The following DNTTIP1 variants were observed in gnomAD, a reference collection of about 807,000 sequenced individuals.
DNTTIP1 encodes the protein deoxynucleotidyltransferase terminal interacting protein 1.
DNTTIP1 carries 22 observed loss-of-function variants against 52.9 expected under a neutral mutation model. That is an observed-to-expected ratio of 0.42 (90% CI 0.30 to 0.59). DNTTIP1 has a LOEUF of 0.59. Among genes scored for constraint, DNTTIP1 ranks in the 20% least tolerant of loss-of-function variants. DNTTIP1 has a pLI of 0.22. For synonymous variants in DNTTIP1, 136 were observed against 155.1 expected (o/e 0.88, Z 0.92); for missense variants, 286 against 435.5 (o/e 0.66, Z 3.06).
intron 8 of DNTTIP1, among the ~76,000 whole-genome samples, chr20:45,804,245 T>C (rs937151892): frequency 6.6e-6 from 1 of 152,190 alleles, no homozygotes; most frequent in African/African-American, 2.4e-5. Flanking sequence ...ACATTCGTTA[T>C]CTTAATCATC....
chr20:45,801,049 T>C (rs760974030), intron 4 of DNTTIP1, 25 bp from the exon 5 acceptor site: 1 of 1,608,994 alleles, frequency 6.2e-7, no homozygotes, highest in Admixed American at 1.7e-5. Context: ...TAGTGACTGG[T>C]AACACTTGGT....
chr20:45,795,247 G>C lies in DNTTIP1; in HGVS notation c.274-98G>C, dbSNP rs572905366. The C allele has an allele frequency of 1.4e-5, 9 of 663,592 alleles. No homozygotes were observed. In the Admixed American group the frequency reaches 2.1e-4, roughly 15 times the overall value. 41.1% of individuals were successfully genotyped at this position (663,592 alleles called of 1,614,324 possible). On this transcript the variant is annotated intron_variant, in intron 3 of 12. Coordinates refer to ENST00000372622, the MANE Select transcript of DNTTIP1 (RefSeq NM_052951.3). ...CTGCTCATAATCACTTTTCCCTTCT[G>C]TATGAAGCTAGGATAAAGACTTATT...
intron 10 of DNTTIP1, among the ~76,000 whole-genome samples, chr20:45,807,634 G>C (rs1981691112): frequency 6.6e-6 from 1 of 152,120 alleles, no homozygotes; most frequent in African/African-American, 2.4e-5. Flanking sequence ...ACGATACACA[G>C]GAGGTAGTAG....
In DNTTIP1 at chr20:45,795,374, A is replaced by C. The variant is rs1449045336; in HGVS notation, c.303A>C (p.Arg101=). Residue 101 remains arginine, a synonymous_variant, in exon 4 of 13, where the codon CGA becomes CGC. Transcript: ENST00000372622. ...KFFQKAALNV[R]DNVGEEVDAE... Reference sequence around the variant, plus strand: ...TCCAGAAGGCAGCACTGAACGTGCGAGACAATGTTGGGGAGGAGGTGGACG... The same window carrying C: ...TCCAGAAGGCAGCACTGAACGTGCGCGACAATGTTGGGGAGGAGGTGGACG... 7.4e-6 allele frequency: 12 copies of C among 1,611,426 alleles called. No individual in the cohort carries two copies. The highest frequency in any genetic ancestry group is 9.3e-6 in the Non-Finnish European group (11 of 1,178,740).
intron 4 of DNTTIP1, among the ~76,000 whole-genome samples, chr20:45,798,095 A>G (rs574073058): frequency 9.8e-5 from 15 of 152,358 alleles, no homozygotes; most frequent in Non-Finnish European, 1.9e-4. Flanking sequence ...ATGTCCAACA[A>G]TGATAGACTG....
At chr20:45,806,000 T>C (rs753801565) in intron 10 of DNTTIP1, among the ~76,000 whole-genome samples, 11 of 151,784 alleles carry the variant, frequency 7.2e-5, no homozygotes, top group Non-Finnish European at 1.5e-4. Flanking sequence ...GAGAATCGCT[T>C]GAACCCAGGA....
chr20:45,803,229 C>A, intron 7 of DNTTIP1, 104 bp from the exon 8 acceptor site: 2 of 1,153,618 alleles, frequency 1.7e-6, no homozygotes, highest in Non-Finnish European at 2.6e-6. Flanking sequence ...ATGTCCAGGG[C>A]TAAAGTGAGA....
At chr20:45,796,554 C>T (rs897651924) in intron 4 of DNTTIP1, 5 of 471,030 alleles carry the variant, frequency 1.1e-5, no homozygotes, top group African/African-American at 4.0e-5. Context: ...GGAAGCATGA[C>T]ATCAGGTCTA....
intron 3 of DNTTIP1, among the ~76,000 whole-genome samples, chr20:45,794,340 G>A (rs1981155707): frequency 6.6e-6 from 1 of 152,010 alleles, no homozygotes; most frequent in East Asian, 1.9e-4. Flanking sequence ...GTAGAGACGG[G>A]GTTTCACTGT....
rs116979122 is a variant in DNTTIP1, at chr20:45,799,140, G to A, written c.373-1934G>A. Among the ~76,000 whole-genome samples the A allele has an allele frequency of 5.6e-3, 855 of 152,306 alleles. 5 individuals are homozygous for A. The highest frequency in any genetic ancestry group is 0.01 in the Middle Eastern group (3 of 294). On this transcript the variant is annotated intron_variant, in intron 4 of 12. Coordinates refer to ENST00000372622, the MANE Select transcript of DNTTIP1 (RefSeq NM_052951.3). The stretch of plus-strand genomic sequence containing the variant: ...TCTAGAGCTCAGAGGATAACCTTTT[G>A]TCTACAGTTGAATTATGGAATCGTG...
chr20:45,792,505 G>A, intron 1 of DNTTIP1, 172 bp from the exon 2 acceptor site: 1 of 521,682 alleles, frequency 1.9e-6, no homozygotes, highest in South Asian at 3.1e-5. Flanking sequence ...AACTTCCTCA[G>A]TTCCTCTTTT....
At chr20:45,797,346 A>C (rs1401397088) in intron 4 of DNTTIP1, among the ~76,000 whole-genome samples, 1 of 152,238 alleles carries the variant, frequency 6.6e-6, no homozygotes, top group Non-Finnish European at 1.5e-5. Context: ...TGGATTAAAG[A>C]CTTAAATGTT....
At chr20:45,798,385 T>C (rs1191827018) in intron 4 of DNTTIP1, among the ~76,000 whole-genome samples, 2 of 151,866 alleles carry the variant, frequency 1.3e-5, no homozygotes, top group East Asian at 3.9e-4. Context: ...TAATGTTAAA[T>C]GACGAGTTAC....
At chr20:45,793,899 C>T in intron 2 of DNTTIP1, 22 bp from the exon 3 acceptor site, 1 of 1,529,406 alleles carries the variant, frequency 6.5e-7, no homozygotes, top group Non-Finnish European at 8.9e-7. Flanking sequence ...GCCCCCTCAC[C>T]CTGTCTCCCT....
In DNTTIP1 at chr20:45,809,498, C is replaced by T. The variant is rs1981754149; in HGVS notation, c.795+313C>T. On this transcript the variant is annotated intron_variant, in intron 11 of 12. Coordinates refer to ENST00000372622, the MANE Select transcript of DNTTIP1 (RefSeq NM_052951.3). The surrounding 1 kb of genome is among the most constrained non-coding windows in gnomAD (Gnocchi z 4.2). ...CACACAGTACTACTTTTTCCCACTACTGCACCCACTGACAGATTTCACTCA... is the reference window on the plus strand; with the variant it reads ...CACACAGTACTACTTTTTCCCACTATTGCACCCACTGACAGATTTCACTCA... Among the ~76,000 whole-genome samples the T allele has an allele frequency of 6.6e-6, 1 of 152,232 alleles. No individual in the cohort carries two copies. The highest frequency in any genetic ancestry group is 2.4e-5 in the African/African-American group (1 of 41,454).
Position 45,801,131 on chromosome 20 carries a change from C to T in DNTTIP1, c.430C>T (p.Pro144Ser). The change falls in exon 5 of 13, where the codon CCA (proline) becomes TCA (serine). Residue 144 changes from proline (P) to serine (S), a missense_variant. By Grantham distance (74) the Pro-to-Ser change is moderately conservative (BLOSUM62 -1). Transcript: ENST00000372622. ...KVIPRLTHEL[P>S]GIKRGRQAEE... ...AATACCCAGATTGACCCATGAGCTTCCAGGAATAAAGGTCAGAGTCACTGT... is the reference window on the plus strand; with the variant it reads ...AATACCCAGATTGACCCATGAGCTTTCAGGAATAAAGGTCAGAGTCACTGT... 1 of 1,613,990 alleles carries T rather than the reference C, an allele frequency of 6.2e-7. No individual in the cohort carries two copies. Among genetic ancestry groups the T allele is most frequent in the South Asian group, 1.1e-5 (1 of 91,066 alleles).
intron 2 of DNTTIP1, among the ~76,000 whole-genome samples, chr20:45,793,455 T>C (rs1981113974): frequency 6.6e-6 from 1 of 152,018 alleles, no homozygotes; most frequent in South Asian, 2.1e-4. Flanking sequence ...ATCCCAGCAC[T>C]TTGGGAGTCT....
Position 45,791,954 on chromosome 20 carries a change from A to C in DNTTIP1, c.-51A>C, listed in dbSNP as rs1460835888. 2.5e-6 allele frequency: 3 copies of C among 1,177,940 alleles called. No individual in the cohort carries two copies. Among genetic ancestry groups the C allele is most frequent in the African/African-American group, 1.6e-5 (1 of 63,602 alleles). The allele number at this position is 1,177,940 out of a possible 1,614,324, so 73.0% of individuals were successfully genotyped here. A position where few individuals can be genotyped will look rare whatever the true frequency, so the allele number is the denominator to read the frequency against. Reference sequence around the variant, plus strand: ...CGCGCTCCAGTGACGTCACGGCGCCACTTTCCGGCCGGTGACAGAGTCCAG... The same window carrying C: ...CGCGCTCCAGTGACGTCACGGCGCCCCTTTCCGGCCGGTGACAGAGTCCAG... On this transcript the variant is annotated 5_prime_UTR_variant, in exon 1 of 13. Transcript: ENST00000372622.
intron 8 of DNTTIP1, 55 bp from the exon 9 acceptor site, chr20:45,805,091 G>A: frequency 6.8e-7 from 1 of 1,465,502 alleles, no homozygotes; most frequent in Non-Finnish European, 9.6e-7. Context: ...GAGTGTTTCT[G>A]TCCTACCCAT....
Sources: allele counts gnomAD v4.1 joint callset (sites outside exome capture counted in the v4.1 genomes callset), GRCh38; gene constraint gnomAD v4.1.1; non-coding constraint Gnocchi (gnomAD v3.1); transcripts MANE v1.5; gene names NCBI Gene and HGNC (gene_info 2026-07-23, HGNC 2026-07-21).